TMF1: variants seen among roughly 807,000 people sequenced by gnomAD.
TMF1 encodes TATA element modulatory factor.
TMF1 carries 71 observed loss-of-function variants against 126.5 expected under a neutral mutation model. That is an observed-to-expected ratio of 0.56 (90% CI 0.46 to 0.68). The LOEUF (loss-of-function observed/expected upper bound fraction) is 0.68. Among genes scored for constraint, TMF1 ranks in the 30% least tolerant of loss-of-function variants. TMF1 has a pLI of 0.00. For missense variants in TMF1, 1,259 were observed against 1,253.2 expected, an observed-to-expected ratio of 1.00 and a Z score of -0.07; for synonymous variants, 461 against 430.5, an observed-to-expected ratio of 1.07 and a Z score of -0.88.
chr3:69,047,328 C>A (rs767829018), intron 2 of TMF1, 30 bp downstream of exon 2: 2 of 1,520,828 alleles, frequency 1.3e-6, no homozygotes, highest in South Asian at 2.6e-5. Context: ...AAAAGCACAT[C>A]TAAAAATCCC....
Position 69,051,928 on chromosome 3 carries a change from G to A in TMF1, c.142+17C>T. On this transcript the variant is annotated intron_variant, in intron 1 of 16. Transcript: ENST00000398559. ...GCAGCCTCCGGGAGCCAGGAACCCCGCTCCTCTCTCTCTTACCCGGCTCTC... is the reference window on the plus strand; with the variant it reads ...GCAGCCTCCGGGAGCCAGGAACCCCACTCCTCTCTCTCTTACCCGGCTCTC... The A allele has an allele frequency of 3.1e-6, 5 of 1,610,074 alleles. No individual in the cohort carries two copies. The highest frequency in any genetic ancestry group is 2.7e-5 in the African/African-American group (2 of 74,830).
chr3:69,037,392 C>A (rs2091838571), intron 8 of TMF1, among the ~76,000 whole-genome samples: 1 of 152,102 alleles, frequency 6.6e-6, no homozygotes, highest in Non-Finnish European at 1.5e-5. Context: ...GTAATCCAAG[C>A]ACTTTGGGAG....
At chr3:69,035,865 T>C (rs1443737508) in intron 8 of TMF1, among the ~76,000 whole-genome samples, 1 of 152,110 alleles carries the variant, frequency 6.6e-6, no homozygotes, top group African/African-American at 2.4e-5. Context: ...AATGAAACAC[T>C]AACACACAAA....
At chr3:69,025,802 T>A (rs2091764307) in intron 14 of TMF1, 90 bp from the exon 15 acceptor site, 4 of 1,444,564 alleles carry the variant, frequency 2.8e-6, no homozygotes, top group Admixed American at 2.2e-5. Context: ...TCTGTCAATT[T>A]TTGCTTTAAA....
Position 69,022,620 on chromosome 3 carries a change from G to A in TMF1, c.*557C>T, listed in dbSNP as rs1034204624. The A allele has an allele frequency of 1.3e-5, 2 of 152,406 alleles. No individual in the cohort carries two copies. The highest frequency in any genetic ancestry group is 2.9e-5 in the Non-Finnish European group (2 of 67,920). The allele number at this position is 152,406 out of a possible 1,614,324, so 9.4% of individuals were successfully genotyped here. On this transcript the variant is annotated 3_prime_UTR_variant, in exon 17 of 17. Transcript: ENST00000398559. ...ACTCTTTAAATTTCAGACAGTGTCA[G>A]TGTGACTCTTACTTTTAAAGGAAAA...
intron 10 of TMF1, among the ~76,000 whole-genome samples, chr3:69,032,785 T>C (rs370247528): frequency 6.6e-6 from 1 of 152,084 alleles, no homozygotes; most frequent in Non-Finnish European, 1.5e-5. Context: ...GATTTTTGTA[T>C]TTTTGGTAGA....
At chr3:69,032,613 C>T (rs1292249456) in intron 10 of TMF1, among the ~76,000 whole-genome samples, 4 of 143,798 alleles carry the variant, frequency 2.8e-5, no homozygotes, top group Admixed American at 7.0e-5. Flanking sequence ...AATATGGAAT[C>T]TTTTTTTTTT....
chr3:69,040,555 A>C (rs547475197), intron 5 of TMF1: 1 of 152,366 alleles, frequency 6.6e-6, no homozygotes, highest in East Asian at 1.9e-4. Flanking sequence ...ACACCTGATG[A>C]ATCTAGGTGA....
Position 69,052,259 on chromosome 3 carries a change from C to G in TMF1, c.-173G>C. 1 of 629,498 alleles carries G rather than the reference C, an allele frequency of 1.6e-6. No individual in the cohort carries two copies. The highest frequency in any genetic ancestry group is 2.6e-6 in the Non-Finnish European group (1 of 389,450). 39.0% of individuals were successfully genotyped at this position (629,498 alleles called of 1,614,324 possible). Reference sequence around the variant, plus strand: ...GCCCGGGATGTTACCCTCGGCCGTTCCCGCACAGCTGAGACGAAGGGGGCC... The same window carrying G: ...GCCCGGGATGTTACCCTCGGCCGTTGCCGCACAGCTGAGACGAAGGGGGCC... On this transcript the variant is annotated 5_prime_UTR_variant, in exon 1 of 17. Coordinates refer to ENST00000398559, the MANE Select transcript of TMF1 (RefSeq NM_007114.3).
intron 1 of TMF1, among the ~76,000 whole-genome samples, chr3:69,049,397 C>A (rs904877962): frequency 6.6e-6 from 1 of 152,072 alleles, no homozygotes; most frequent in African/African-American, 2.4e-5. Context: ...ACAACAAAAG[C>A]CTCAAACCAA....
In TMF1 at chr3:69,022,166, G is replaced by T. The variant is rs962125433; in HGVS notation, c.*1011C>A. On this transcript the variant is annotated 3_prime_UTR_variant, in exon 17 of 17. Coordinates refer to ENST00000398559, the MANE Select transcript of TMF1 (RefSeq NM_007114.3). ...GCTTTCCTTGTGTTTGAAATTTCAAGAAAAAATAAAATGATAAATCACAAA... is the reference window on the plus strand; with the variant it reads ...GCTTTCCTTGTGTTTGAAATTTCAATAAAAAATAAAATGATAAATCACAAA... The T allele has an allele frequency of 6.6e-6, 1 of 152,364 alleles. No individual in the cohort carries two copies. The highest frequency in any genetic ancestry group is 2.4e-5 in the African/African-American group (1 of 41,394). The allele number at this position is 152,364 out of a possible 1,614,324, so 9.4% of individuals were successfully genotyped here.
At position 69,052,072 on chromosome 3, in the gene TMF1, G is replaced by A. The variant is rs771139026; in HGVS notation, c.15C>T (p.Asn5=). 52 of 1,611,590 alleles carry A rather than the reference G, an allele frequency of 3.2e-5. No homozygotes were observed. The highest frequency in any genetic ancestry group is 6.7e-5 in the East Asian group (3 of 44,762). The change falls in exon 1 of 17, where the codon AAC becomes AAT. Residue 5 remains asparagine, a synonymous_variant. Coordinates refer to ENST00000398559, the MANE Select transcript of TMF1 (RefSeq NM_007114.3). MSWF[N]ASQLSSFAKQ... is the part of the protein sequence containing the mutation. ...TAGCGAAGCTGGAGAGCTGGGAGGC[G>A]TTGAACCAACTCATCGCCCCTCCTC... is the stretch of plus-strand genomic sequence containing the variant.
intron 1 of TMF1, among the ~76,000 whole-genome samples, chr3:69,050,438 G>A (rs1339123484): frequency 6.6e-6 from 1 of 151,462 alleles, no homozygotes; most frequent in Non-Finnish European, 1.5e-5. Flanking sequence ...GAACAACCAA[G>A]ATTATGTCTG....
At chr3:69,026,619 TC>T (rs2091768771) in intron 13 of TMF1, among the ~76,000 whole-genome samples, 3 of 151,608 alleles carry the variant, frequency 2.0e-5, no homozygotes, top group South Asian at 4.1e-4. Flanking sequence ...AAACTCAGTC[TC>T]CAAAACAAAC....
intron 15 of TMF1, chr3:69,024,731 G>A (rs1408011433): frequency 6.7e-6 from 1 of 150,220 alleles, no homozygotes; most frequent in Non-Finnish European, 1.5e-5. Context: ...CTACTTCTGA[G>A]TGTATTGTGT....
intron 12 of TMF1, 62 bp from the exon 13 acceptor site, chr3:69,028,054 A>G (rs2091780037): frequency 1.7e-6 from 2 of 1,200,922 alleles, no homozygotes; most frequent in Admixed American, 2.1e-5. Context: ...TGATAAGTCA[A>G]TCTCAAAGTT....
At chr3:69,035,198 G>A in intron 8 of TMF1, 83 bp from the exon 9 acceptor site, 1 of 1,137,646 alleles carries the variant, frequency 8.8e-7, no homozygotes, top group Non-Finnish European at 1.3e-6. Flanking sequence ...TTTGTGTTGT[G>A]TCAACATTGT....
At position 69,047,289 on chromosome 3, in the gene TMF1, A is replaced by G. The variant is rs142545095; in HGVS notation, c.1347+69T>C. The stretch of plus-strand genomic sequence containing the variant: ...TAAATTATTATGCATCAATGAAAGT[A>G]TTTTTTAAAACAAATGATTTAATCT... On this transcript the variant is annotated intron_variant, in intron 2 of 16. Coordinates refer to ENST00000398559, the MANE Select transcript of TMF1 (RefSeq NM_007114.3). 1,785 of 1,479,222 alleles carry G rather than the reference A, an allele frequency of 1.2e-3. 20 individuals are homozygous for G. In the African/African-American group the frequency reaches 0.023, roughly 19 times the overall value. The allele number at this position is 1,479,222 out of a possible 1,614,324, so 91.6% of individuals were successfully genotyped here.
intron 5 of TMF1, chr3:69,042,384 T>A: frequency 2.2e-6 from 1 of 456,154 alleles, no homozygotes; most frequent in Non-Finnish European, 4.4e-6. Context: ...TGCTTAATAA[T>A]TTAAAAATTA....
Sources: allele counts gnomAD v4.1 joint callset (sites outside exome capture counted in the v4.1 genomes callset), GRCh38; gene constraint gnomAD v4.1.1; transcripts MANE v1.5; gene names NCBI Gene and HGNC (gene_info 2026-07-23, HGNC 2026-07-21).